EYS: variants seen among roughly 807,000 people sequenced by gnomAD.
EYS encodes the protein protein eyes shut homolog.
In EYS, 250 loss-of-function variants were observed where a neutral mutation model predicts 282.1. The ratio of observed to expected loss-of-function variants is 0.89; its 90% CI spans 0.80 to 0.98. The LOEUF (loss-of-function observed/expected upper bound fraction) is 0.98. Among genes scored for constraint, EYS ranks in the 50% least tolerant of loss-of-function variants. The pLI is 0.00. For missense variants in EYS, 4,016 were observed against 3,709.0 expected (o/e 1.08, Z -2.15); for synonymous variants, 1,355 against 1,282.9 (o/e 1.06, Z -1.20).
intron 22 of EYS, among the ~76,000 whole-genome samples, chr6:64,690,356 T>A (rs972667619): frequency 2.0e-5 from 3 of 152,106 alleles, no homozygotes; most frequent in African/African-American, 7.2e-5. Context: ...GTCGAGAAAT[T>A]GGAACGCTTT....
chr6:64,201,629 AG>A (rs1174320035), intron 31 of EYS, among the ~76,000 whole-genome samples: 4 of 152,158 alleles, frequency 2.6e-5, no homozygotes, highest in African/African-American at 9.7e-5. Flanking sequence ...ATTCTCAAAA[AG>A]AGTGAAATAG....
At chr6:65,271,128 T>TTATATA (rs70999188) in intron 12 of EYS, among the ~76,000 whole-genome samples, 1,533 of 55,776 alleles carry the variant, frequency 0.027, 134 homozygotes, top group African/African-American at 0.072. Flanking sequence ...AATCAATAGA[T>TTATATA]TATATATATA....
intron 37 of EYS, among the ~76,000 whole-genome samples, chr6:63,803,801 C>A (rs1323593014): frequency 6.6e-6 from 1 of 151,964 alleles, no homozygotes; most frequent in African/African-American, 2.4e-5. Flanking sequence ...ATGTAAAGCT[C>A]CCATTCTGTT....
intron 13 of EYS, among the ~76,000 whole-genome samples, chr6:65,030,599 G>C (rs1477268326): frequency 6.6e-6 from 1 of 152,194 alleles, no homozygotes; most frequent in Non-Finnish European, 1.5e-5. Context: ...AGTGAAGCAT[G>C]TTGGCTGACA....
rs1773461557 is a variant in EYS at position 65,057,776 on chromosome 6, G to T, written c.2024-49C>A. On this transcript the variant is annotated intron_variant, in intron 12 of 42. Coordinates refer to ENST00000503581, the MANE Select transcript of EYS (RefSeq NM_001142800.2). The stretch of plus-strand genomic sequence containing the variant: ...TGTTAAGTGTTAACAAGACAGGCAT[G>T]TATCAAGTCGTAATTCTTAAATTTG... The T allele has an allele frequency of 4.1e-6, 5 of 1,219,610 alleles. No individual in the cohort carries two copies. The East Asian group carries it at 1.3e-4, about 31-fold the overall frequency. The allele number at this position is 1,219,610 out of a possible 1,614,324, so 75.5% of individuals were successfully genotyped here.
chr6:65,461,739 G>T (rs967976230), intron 5 of EYS, among the ~76,000 whole-genome samples: 2 of 151,886 alleles, frequency 1.3e-5, no homozygotes, highest in Non-Finnish European at 2.9e-5. Context: ...ATCACAAGCT[G>T]CTTGCTACAC....
intron 29 of EYS, among the ~76,000 whole-genome samples, chr6:64,372,048 T>A (rs140605292): frequency 6.6e-6 from 1 of 152,028 alleles, no homozygotes; most frequent in Non-Finnish European, 1.5e-5. Flanking sequence ...GCAGATTTGA[T>A]CTTGTCATCA....
intron 33 of EYS, among the ~76,000 whole-genome samples, chr6:64,047,612 T>G (rs1770672463): frequency 6.6e-6 from 1 of 152,208 alleles, no homozygotes. Flanking sequence ...TGACTTAGTA[T>G]TTGCAAAATA....
chr6:65,298,262 A>G (rs1229586757), intron 11 of EYS, among the ~76,000 whole-genome samples: 1 of 152,026 alleles, frequency 6.6e-6, no homozygotes, highest in Non-Finnish European at 1.5e-5. Flanking sequence ...CTCAGATACT[A>G]TAACAAACAA....
intron 22 of EYS, among the ~76,000 whole-genome samples, chr6:64,658,962 T>C (rs1768877291): frequency 6.6e-6 from 1 of 152,240 alleles, no homozygotes; most frequent in African/African-American, 2.4e-5. Context: ...ACTGCACTTA[T>C]TCTAAAATTG....
chr6:65,107,437 A>G (rs1029589972), intron 12 of EYS, among the ~76,000 whole-genome samples: 1 of 151,866 alleles, frequency 6.6e-6, no homozygotes, highest in Non-Finnish European at 1.5e-5. Context: ...CATAAAAGAA[A>G]CTTGTATTAT....
At chr6:65,424,411 G>A (rs1332771499) in intron 5 of EYS, among the ~76,000 whole-genome samples, 3 of 151,684 alleles carry the variant, frequency 2.0e-5, no homozygotes, top group African/African-American at 7.3e-5. Flanking sequence ...TCACTTTGTG[G>A]CTTTGGAAAT....
intron 2 of EYS, among the ~76,000 whole-genome samples, chr6:65,504,144 C>A (rs966394358): frequency 1.3e-5 from 2 of 151,480 alleles, no homozygotes; most frequent in African/African-American, 4.8e-5. Context: ...GTTTAGTTTT[C>A]CACATATAGG....
At chr6:65,069,242 C>CT (rs1199234356) in intron 12 of EYS, among the ~76,000 whole-genome samples, 2 of 152,062 alleles carry the variant, frequency 1.3e-5, no homozygotes, top group South Asian at 4.2e-4. Flanking sequence ...CTATTCTAGC[C>CT]TTTTCTACCT....
intron 28 of EYS, among the ~76,000 whole-genome samples, chr6:64,421,133 A>T (rs907028797): frequency 6.6e-6 from 1 of 152,188 alleles, no homozygotes; most frequent in Admixed American, 6.5e-5. Flanking sequence ...ATTAACTCAC[A>T]GTTCAGCATG....
At chr6:65,150,503 C>G (rs769173879) in intron 12 of EYS, among the ~76,000 whole-genome samples, 5 of 151,766 alleles carry the variant, frequency 3.3e-5, no homozygotes, top group Non-Finnish European at 5.9e-5. Flanking sequence ...TATATTAACC[C>G]CAGAATACCA....
At chr6:64,630,086 T>C (rs1767731397) in intron 22 of EYS, among the ~76,000 whole-genome samples, 4 of 152,042 alleles carry the variant, frequency 2.6e-5, no homozygotes, top group African/African-American at 9.7e-5. Flanking sequence ...CTGAGATTTT[T>C]TTTGTTTTTT....
chr6:65,310,369 A>G (rs1249572359), intron 11 of EYS, among the ~76,000 whole-genome samples: 1 of 152,008 alleles, frequency 6.6e-6, no homozygotes, highest in East Asian at 1.9e-4. Context: ...CTATCTATCT[A>G]TAGATATAGA....
rs543441777 is a variant in EYS, at chr6:63,751,598, C to G, written c.8071+10863G>C. Among the ~76,000 whole-genome samples the G allele has an allele frequency of 4.6e-5, 7 of 152,244 alleles. No homozygotes were observed. The East Asian group carries it at 1.4e-3, about 29-fold the overall frequency. On this transcript the variant is annotated intron_variant, in intron 41 of 42. Coordinates refer to ENST00000503581, the MANE Select transcript of EYS (RefSeq NM_001142800.2). Reference sequence around the variant, plus strand: ...CTTTACCTCTCCATTTCAATTTAAGCAGTCTGACAAATTTTAAATTAACTA... The same window carrying G: ...CTTTACCTCTCCATTTCAATTTAAGGAGTCTGACAAATTTTAAATTAACTA...
Sources: gnomAD v4.1 joint callset for allele counts (sites outside exome capture counted in the v4.1 genomes callset) on GRCh38, gnomAD v4.1.1 for gene constraint, MANE v1.5 for transcripts, NCBI Gene and HGNC (gene_info 2026-07-23, HGNC 2026-07-21) for gene names.